The following SCN1A variants were observed in gnomAD, a reference collection of about 807,000 sequenced individuals.
SCN1A encodes the protein sodium channel protein type 1 subunit alpha.
Under a neutral mutation model 193.7 loss-of-function variants are expected in SCN1A, and 13 were observed. The ratio of observed to expected loss-of-function variants is 0.07; its 90% confidence interval spans 0.04 to 0.11. The LOEUF is 0.11. Among genes scored for constraint, SCN1A ranks in the 10% least tolerant of loss-of-function variants. SCN1A has a pLI of 1.00. For missense variants in SCN1A, 1,432 were observed against 2,451.1 expected, an observed-to-expected ratio of 0.58 and a Z score of 8.78; for synonymous variants, 781 against 843.6, an observed-to-expected ratio of 0.93 and a Z score of 1.29.
intron 25 of SCN1A, among the ~76,000 whole-genome samples, chr2:165,998,466 C>A (rs1690393847): frequency 1.3e-5 from 2 of 150,874 alleles, no homozygotes; most frequent in South Asian, 4.2e-4. Context: ...TTTTAAGGTA[C>A]TGAATTTTAG....
chr2:166,130,384 A>G (rs1471004001), upstream of SCN1A, among the ~76,000 whole-genome samples: 1 of 152,192 alleles, frequency 6.6e-6, no homozygotes, highest in Non-Finnish European at 1.5e-5. Context: ...TTACATTGAC[A>G]TGTCAGTCAT....
chr2:166,050,952 A>G (rs1191530807), intron 9 of SCN1A, among the ~76,000 whole-genome samples: 2 of 151,878 alleles, frequency 1.3e-5, no homozygotes, highest in Non-Finnish European at 2.9e-5. Context: ...CATTACCTCC[A>G]TTATTTTCCC....
chr2:166,140,745 A>G (rs749171379), intron 1 of SCN1A, among the ~76,000 whole-genome samples: 57 of 151,978 alleles, frequency 3.8e-4, no homozygotes, highest in Non-Finnish European at 6.8e-4. Context: ...TGTTGCAAAC[A>G]TCGTATTTAA....
chr2:166,031,186 G>A lies in SCN1A; in HGVS notation c.3429+4862C>T, dbSNP rs1559181691. Among the ~76,000 whole-genome samples, 7 of 152,214 alleles carry A rather than the reference G, an allele frequency of 4.6e-5. No homozygotes were observed. The South Asian group carries it at 1.2e-3, about 27-fold the overall frequency. On this transcript the variant is annotated intron_variant, in intron 19 of 28. Transcript: ENST00000674923. ...TCTTTTGGAGACCAATAGGAGGAAGGTGTAGAAAAAACAGCCCTTAGTTTG... is the reference window on the plus strand; with the variant it reads ...TCTTTTGGAGACCAATAGGAGGAAGATGTAGAAAAAACAGCCCTTAGTTTG...
intron 2 of SCN1A, among the ~76,000 whole-genome samples, chr2:166,117,973 AT>A (rs201407212): frequency 6.7e-6 from 1 of 149,206 alleles, no homozygotes; most frequent in African/African-American, 2.5e-5. Context: ...AAAAAAAAAA[AT>A]TTTTTTTTTG....
intron 21 of SCN1A, among the ~76,000 whole-genome samples, chr2:166,013,384 C>T (rs1011887593): frequency 1.3e-5 from 2 of 151,376 alleles, no homozygotes; most frequent in African/African-American, 4.8e-5. Flanking sequence ...AAACAAAATT[C>T]GTCAGAACTC....
At chr2:166,074,233 C>T (rs1019048200) in intron 3 of SCN1A, among the ~76,000 whole-genome samples, 1 of 152,194 alleles carries the variant, frequency 6.6e-6, no homozygotes, top group African/African-American at 2.4e-5. Flanking sequence ...CTATGTCCTG[C>T]TCACTTCACT....
At chr2:166,037,433 C>T (rs1351170615) in intron 18 of SCN1A, among the ~76,000 whole-genome samples, 2 of 152,104 alleles carry the variant, frequency 1.3e-5, no homozygotes. Context: ...AAAATGGTCC[C>T]AGCACATCCT....
In SCN1A at chr2:166,007,389, T is replaced by C. The variant is rs1691802638; in HGVS notation, c.4002+2330A>G. On this transcript the variant is annotated intron_variant, in intron 23 of 28. Coordinates refer to ENST00000674923, the MANE Select transcript of SCN1A (RefSeq NM_001165963.4). ...TTTTGTTCATGATGCTCTCCGTCTGTTTCCCTATCCATTAAGACTTGAGTT... is the reference window on the plus strand; with the variant it reads ...TTTTGTTCATGATGCTCTCCGTCTGCTTCCCTATCCATTAAGACTTGAGTT... 2.6e-5 allele frequency: 4 copies of C among 151,324 alleles called. No homozygotes were observed. The Admixed American group carries it at 2.6e-4, about 10-fold the overall frequency. The allele number at this position is 151,324 out of a possible 1,614,324, so 9.4% of individuals were successfully genotyped here. A position where few individuals can be genotyped will look rare whatever the true frequency, so the allele number is the denominator to read the frequency against.
intron 3 of SCN1A, chr2:166,075,444 C>T: frequency 6.6e-6 from 1 of 151,842 alleles, no homozygotes. Context: ...CTGTTTTACA[C>T]CAGCATTTTT....
At position 166,073,453 on chromosome 2, in the gene SCN1A, C is replaced by T. The variant is rs747925160; in HGVS notation, c.169G>A (p.Ala57Thr). ...NGPKPNSDLE[A>T]GKNLPFIYGD... The stretch of plus-strand genomic sequence containing the variant: ...TAAATAAATGGAAGGTTCTTTCCAG[C>T]TTCCAAGTCACTATTTGGCTTTGGG... The change falls in exon 4 of 29, where the codon GCT becomes ACT. Residue 57 changes from alanine to threonine, a missense_variant. By Grantham distance (58) the Ala-to-Thr change is moderately conservative. Around this residue, in one of 18 missense-constraint regions of SCN1A, gnomAD observed 123 missense variants for 282.8 expected, o/e 0.43. Transcript: ENST00000674923. 6.2e-7 allele frequency: 1 copy of T among 1,614,200 alleles called. No individual in the cohort carries two copies. Among genetic ancestry groups the T allele is most frequent in the Non-Finnish European group, 8.5e-7 (1 of 1,180,016 alleles).
At chr2:166,054,517 G>T in intron 7 of SCN1A, 121 bp downstream of exon 7, 1 of 1,034,110 alleles carries the variant, frequency 9.7e-7, no homozygotes, top group Non-Finnish European at 1.5e-6. Flanking sequence ...GAAATCCAGA[G>T]TTTGAATGTA....
At chr2:166,124,979 T>C (rs1411368936) in intron 2 of SCN1A, among the ~76,000 whole-genome samples, 1 of 152,182 alleles carries the variant, frequency 6.6e-6, no homozygotes, top group Non-Finnish European at 1.5e-5. Flanking sequence ...AATTAATAAA[T>C]GGAAATCTAG....
rs143061203 is a variant in SCN1A, at chr2:166,136,963, C to T, written c.-50+12084G>A. On this transcript the variant is annotated intron_variant, in intron 1 of 26. Transcript: ENST00000635750. ...AACGGATGAAGGACCCCAAGTTTCT[C>T]AATCCCTGGAAAGTGGACTTGAAAG... Among the ~76,000 whole-genome samples, 67 of 152,324 alleles carry T rather than the reference C, an allele frequency of 4.4e-4. 2 individuals carry two copies. The South Asian group carries it at 7.9e-3, about 18-fold the overall frequency.
At chr2:166,017,637 A>G (rs892897175) in intron 19 of SCN1A, among the ~76,000 whole-genome samples, 4 of 152,180 alleles carry the variant, frequency 2.6e-5, no homozygotes, top group South Asian at 2.1e-4. Flanking sequence ...GCAACATTTC[A>G]TCACCCATTG....
At chr2:166,021,394 G>T (rs1694042728) in intron 19 of SCN1A, among the ~76,000 whole-genome samples, 1 of 152,068 alleles carries the variant, frequency 6.6e-6, no homozygotes, top group Non-Finnish European at 1.5e-5. Context: ...AATAAAATAA[G>T]TTCACAAGTG....
intron 3 of SCN1A, among the ~76,000 whole-genome samples, chr2:166,076,418 C>A (rs1684989990): frequency 6.6e-6 from 1 of 151,932 alleles, no homozygotes; most frequent in Non-Finnish European, 1.5e-5. Flanking sequence ...CAGAGACAGT[C>A]CATGTCTTTG....
rs1181636868 is a variant in SCN1A, at chr2:166,041,215, C to T, written c.2415+16G>A. 2 of 1,546,264 alleles carry T rather than the reference C, an allele frequency of 1.3e-6. No individual in the cohort carries two copies. Among genetic ancestry groups the T allele is most frequent in the South Asian group, 2.2e-5 (2 of 89,648 alleles). On this transcript the variant is annotated intron_variant, in intron 16 of 28. Transcript: ENST00000674923. ...AAATTTGAAGACTAAACACATTTAC[C>T]TTCCAATATGCTTACCAAGTTTCCT...
At chr2:166,041,544 A>T in intron 15 of SCN1A, 75 bp from the exon 16 acceptor site, 1 of 1,002,196 alleles carries the variant, frequency 1.0e-6, no homozygotes, top group Non-Finnish European at 1.5e-6. Flanking sequence ...CATATCCACT[A>T]AACTTATTTT....
Sources: gnomAD v4.1 joint callset for allele counts (sites outside exome capture counted in the v4.1 genomes callset) on GRCh38, gnomAD v4.1.1 for gene constraint, gnomAD v4.1.1 regional missense constraint, MANE v1.5 for transcripts, NCBI Gene and HGNC (gene_info 2026-07-23, HGNC 2026-07-21) for gene names.